Variants in CADM2 observed in about 807,000 individuals in gnomAD.
The protein encoded by CADM2 is immunoglobulin superfamily member 4D.
CADM2 carries 12 observed loss-of-function variants against 49.8 expected under a neutral mutation model. The observed-to-expected ratio is 0.24, with a 90% CI of 0.15 to 0.39. The LOEUF is 0.39. Among genes scored for constraint, CADM2 ranks in the 10% least tolerant of loss-of-function variants. The pLI is 1.00. For missense variants in CADM2, 378 were observed against 492.3 expected (o/e 0.77, Z 2.20); for synonymous variants, 214 against 175.4 (o/e 1.22, Z -1.74).
chr3:86,021,318 C>T (rs1348632069), intron 8 of CADM2, among the ~76,000 whole-genome samples: 1 of 151,976 alleles, frequency 6.6e-6, no homozygotes, highest in Non-Finnish European at 1.5e-5. Flanking sequence ...TTTTTTGTAT[C>T]CATCCACTTC....
intron 1 of CADM2, among the ~76,000 whole-genome samples, chr3:85,098,693 C>T (rs964013927): frequency 6.6e-6 from 1 of 152,130 alleles, no homozygotes; most frequent in African/African-American, 2.4e-5. Flanking sequence ...CCCACGTATA[C>T]CCAAATATGT....
chr3:85,767,491 C>T (rs1397055809), intron 2 of CADM2, among the ~76,000 whole-genome samples: 1 of 152,128 alleles, frequency 6.6e-6, no homozygotes. Flanking sequence ...AGAGTAGTCA[C>T]TTACTAGTGC....
At chr3:84,974,428 T>A (rs373415882) in intron 1 of CADM2, among the ~76,000 whole-genome samples, 2 of 152,062 alleles carry the variant, frequency 1.3e-5, no homozygotes, top group South Asian at 2.1e-4. Flanking sequence ...AATGCAGTCT[T>A]GCAGGTGATA....
At chr3:85,600,170 T>G (rs757000326) in intron 1 of CADM2, among the ~76,000 whole-genome samples, 81 of 152,066 alleles carry the variant, frequency 5.3e-4, no homozygotes, top group Non-Finnish European at 5.9e-4. Context: ...TTTGCCATTT[T>G]AAGCATTTTT....
At chr3:85,515,635 T>C (rs192175468) in intron 1 of CADM2, among the ~76,000 whole-genome samples, 2 of 129,492 alleles carry the variant, frequency 1.5e-5, no homozygotes, top group African/African-American at 6.7e-5. Flanking sequence ...ATATATATTT[T>C]TTTTTTTTGT....
intron 8 of CADM2, among the ~76,000 whole-genome samples, chr3:85,970,869 G>A (rs961727308): frequency 3.3e-5 from 5 of 151,304 alleles, no homozygotes; most frequent in South Asian, 2.1e-4. Context: ...CATATTTCGG[G>A]TAAGTTACAT....
intron 1 of CADM2, among the ~76,000 whole-genome samples, chr3:85,199,333 T>TTGTGTGTGTGTG (rs35067183): frequency 3.0e-5 from 4 of 134,428 alleles, no homozygotes; most frequent in Non-Finnish European, 3.1e-5. Context: ...GTAACTCTCT[T>TTGTGTGTGTGTG]TGTGTGTGTG....
chr3:85,652,908 G>A (rs2065095631), intron 1 of CADM2, among the ~76,000 whole-genome samples: 1 of 148,800 alleles, frequency 6.7e-6, no homozygotes, highest in Non-Finnish European at 1.5e-5. Context: ...CTCCTGAGTA[G>A]CTGGAATTAC....
chr3:85,969,224 C>T (rs918712541), intron 8 of CADM2, among the ~76,000 whole-genome samples: 3 of 151,546 alleles, frequency 2.0e-5, no homozygotes, highest in African/African-American at 7.3e-5. Context: ...GTATAAAAGC[C>T]AAACCCTCAT....
intron 6 of CADM2, 65 bp from the exon 7 acceptor site, chr3:85,935,700 GCA>G (rs1234661755): frequency 1.2e-5 from 9 of 734,508 alleles, no homozygotes; most frequent in African/African-American, 5.3e-5. Flanking sequence ...ACAGCATGAT[GCA>G]CAGTTATTAA....
At chr3:85,484,486 AT>A (rs2107633653) in intron 1 of CADM2, among the ~76,000 whole-genome samples, 1 of 152,000 alleles carries the variant, frequency 6.6e-6, no homozygotes, top group African/African-American at 2.4e-5. Flanking sequence ...ACAACCTTGC[AT>A]TTTTTGAATT....
At chr3:85,209,048 T>A (rs2041716327) in intron 1 of CADM2, among the ~76,000 whole-genome samples, 1 of 152,190 alleles carries the variant, frequency 6.6e-6, no homozygotes, top group African/African-American at 2.4e-5. Flanking sequence ...AATGGAAGAC[T>A]TTCATTCTGG....
Position 85,090,073 on chromosome 3 carries a change from A to G in CADM2, c.61+130405A>G, listed in dbSNP as rs191112955. On this transcript the variant is annotated intron_variant, in intron 1 of 9. Coordinates refer to ENST00000383699, the MANE Select transcript of CADM2 (RefSeq NM_001167675.2). ...AATATTGAAATTATGTTTAAATGGA[A>G]TCAGAAGAAATTTACATCCAGTACA... Among the ~76,000 whole-genome samples, 961 of 152,246 alleles carry G rather than the reference A, an allele frequency of 6.3e-3. 11 individuals are homozygous for G. The highest frequency in any genetic ancestry group is 0.021 in the African/African-American group (864 of 41,548).
chr3:84,988,295 C>A lies in CADM2; in HGVS notation c.61+28627C>A, dbSNP rs567405033. Among the ~76,000 whole-genome samples the A allele has an allele frequency of 3.3e-5, 5 of 152,356 alleles. No homozygotes were observed. In the South Asian group the frequency reaches 1.0e-3, roughly 32 times the overall value. ...GCTTCCAAGGTGCACATTTTTCCTA[C>A]TTCTATTTCCTTTTCCTTTGCAGTA... On this transcript the variant is annotated intron_variant, in intron 1 of 9. Coordinates refer to ENST00000383699, the MANE Select transcript of CADM2 (RefSeq NM_001167675.2).
chr3:85,842,219 A>G (rs1043048290), intron 3 of CADM2, among the ~76,000 whole-genome samples: 10 of 152,106 alleles, frequency 6.6e-5, no homozygotes, highest in African/African-American at 2.4e-4. Flanking sequence ...GAGGTCCCAC[A>G]CTGCTGGTCT....
intron 8 of CADM2, among the ~76,000 whole-genome samples, chr3:85,995,811 T>C (rs1160451804): frequency 1.3e-5 from 2 of 151,918 alleles, no homozygotes; most frequent in African/African-American, 4.8e-5. Flanking sequence ...AAATACGGGG[T>C]GGGCACAGTG....
At chr3:85,547,284 G>T (rs574482123) in intron 1 of CADM2, among the ~76,000 whole-genome samples, 1 of 152,046 alleles carries the variant, frequency 6.6e-6, no homozygotes, top group Non-Finnish European at 1.5e-5. Flanking sequence ...TGGGCATGGC[G>T]ATTTCATAAA....
At chr3:85,361,286 A>G (rs2032341217) in intron 1 of CADM2, among the ~76,000 whole-genome samples, 2 of 152,186 alleles carry the variant, frequency 1.3e-5, no homozygotes, top group South Asian at 4.1e-4. Flanking sequence ...GAAACAAGAC[A>G]AAGGAAACAT....
chr3:85,563,757 G>A (rs1021176666), intron 1 of CADM2, among the ~76,000 whole-genome samples: 10 of 152,092 alleles, frequency 6.6e-5, no homozygotes, highest in Non-Finnish European at 2.9e-5. Flanking sequence ...ACTAGCAACC[G>A]AAAATGAAGC....
Sources: allele counts gnomAD v4.1 joint callset (sites outside exome capture counted in the v4.1 genomes callset), GRCh38; gene constraint gnomAD v4.1.1; transcripts MANE v1.5; gene names NCBI Gene and HGNC (gene_info 2026-07-23, HGNC 2026-07-21).